Variants in ALPK1 observed in about 807,000 individuals in gnomAD.
The protein encoded by ALPK1 is alpha-protein kinase 1.
Under a neutral mutation model 120.6 loss-of-function variants are expected in ALPK1, and 110 were observed. That is an observed-to-expected ratio of 0.91 (90% confidence interval 0.78 to 1.07). The LOEUF (loss-of-function observed/expected upper bound fraction) is 1.07, where lower values mean the gene tolerates loss of function less well. Ranked by LOEUF, ALPK1 falls within the 50% of genes least tolerant of loss-of-function variation. ALPK1 has a pLI of 0.00. For missense variants in ALPK1, 1,498 were observed against 1,483.9 expected (o/e 1.01, Z -0.16); for synonymous variants, 582 against 560.3 (o/e 1.04, Z -0.55).
At position 112,431,479 on chromosome 4, in the gene ALPK1, G is replaced by A; in HGVS notation, c.1932G>A (p.Gln644=). The A allele has an allele frequency of 1.2e-6, 2 of 1,614,198 alleles. No homozygotes were observed. The highest frequency in any genetic ancestry group is 1.7e-6 in the Non-Finnish European group (2 of 1,180,030). ...EGRAMHSLHS[Q]LHDLSLQEPN... is the part of the protein sequence containing the mutation. ...GAGCTATGCATTCATTGCATTCACAGCTTCATGATCTCTCTCTTCAGGAAC... is the reference window on the plus strand; with the variant it reads ...GAGCTATGCATTCATTGCATTCACAACTTCATGATCTCTCTCTTCAGGAAC... Residue 644 remains glutamine (Q), a synonymous_variant, in exon 11 of 16, where the codon CAG becomes CAA. Transcript: ENST00000650871.
chr4:112,307,251 T>C (rs1219667803), intron 1 of ALPK1, among the ~76,000 whole-genome samples: 11 of 152,112 alleles, frequency 7.2e-5, no homozygotes, highest in Non-Finnish European at 1.3e-4. Context: ...GAGAGTTGTG[T>C]AGATGTCTAT....
intron 2 of ALPK1, among the ~76,000 whole-genome samples, chr4:112,372,211 C>CTT (rs1257056021): frequency 1.4e-5 from 2 of 142,276 alleles, no homozygotes; most frequent in Non-Finnish European, 3.1e-5. Context: ...TACTTTCTTC[C>CTT]TTTTTTTTTT....
chr4:112,425,521 A>T (rs1473770964), intron 6 of ALPK1, 144 bp from the exon 7 acceptor site: 1 of 632,040 alleles, frequency 1.6e-6, no homozygotes, highest in Non-Finnish European at 2.8e-6. Context: ...TACAGCAAGA[A>T]GTTTGGACCT....
chr4:112,414,160 T>C (rs1179890815), intron 5 of ALPK1: 1 of 426,388 alleles, frequency 2.3e-6, no homozygotes, highest in East Asian at 7.3e-5. Context: ...GTGAAAGAGA[T>C]TATATAATAT....
At chr4:112,405,870 C>T (rs886421623) in intron 4 of ALPK1, among the ~76,000 whole-genome samples, 2 of 152,162 alleles carry the variant, frequency 1.3e-5, no homozygotes, top group Admixed American at 6.5e-5. Context: ...CCACAACACT[C>T]TGCCAAGACC....
chr4:112,369,310 T>G (rs1233095687), intron 2 of ALPK1, among the ~76,000 whole-genome samples: 1 of 152,186 alleles, frequency 6.6e-6, no homozygotes, highest in African/African-American at 2.4e-5. Context: ...TGCCTCTTTC[T>G]CCATTTGTTT....
chr4:112,400,789 ACT>A (rs2148741187), intron 4 of ALPK1, among the ~76,000 whole-genome samples: 1 of 152,264 alleles, frequency 6.6e-6, no homozygotes, highest in East Asian at 1.9e-4. Context: ...TTCACTCCAG[ACT>A]CATCCTGTTG....
chr4:112,441,091 C>T lies in ALPK1; in HGVS notation c.3713C>T (p.Ser1238Leu). The part of the protein sequence containing the change: ...ICHRLSLTRP[S>L]MEKPCT ...CATCGTCTTTCTTTGACTAGACCTT[C>T]AATGGAGAAACCATGTAAGTCATAG... Residue 1238 changes from serine (S) to leucine (L), a missense_variant, in exon 15 of 16, where the codon TCA becomes TTA. Transcript: ENST00000650871. 1 of 1,613,920 alleles carries T rather than the reference C, an allele frequency of 6.2e-7. No individual in the cohort carries two copies. The highest frequency in any genetic ancestry group is 8.5e-7 in the Non-Finnish European group (1 of 1,179,860).
rs935208458 is a variant in ALPK1 at position 112,438,757 on chromosome 4, T to A, written c.3351+111T>A. ...GGCTAGCATTTTTAGCAAACTATCC[T>A]TGTGTGTTGTCCCTGTACTTTCCAA... On this transcript the variant is annotated intron_variant, in intron 13 of 15. Transcript: ENST00000650871. The A allele has an allele frequency of 9.8e-6, 12 of 1,219,828 alleles. No individual in the cohort carries two copies. The Admixed American group carries it at 2.0e-4, about 20-fold the overall frequency. 75.6% of individuals were successfully genotyped at this position (1,219,828 alleles called of 1,614,324 possible). A position where few individuals can be genotyped will look rare whatever the true frequency, so the allele number is the denominator to read the frequency against.
Position 112,377,710 on chromosome 4 carries a change from G to A in ALPK1, c.-68G>A, listed in dbSNP as rs1578515819. On this transcript the variant is annotated 5_prime_UTR_variant, in exon 3 of 16. Transcript: ENST00000650871. ...GGCCTTCAAGGGGCTCCTTTATTGA[G>A]AATCAATGTCTTCTCCTAGGTAATT... The A allele has an allele frequency of 1.4e-6, 2 of 1,423,830 alleles. No individual in the cohort carries two copies. Among genetic ancestry groups the A allele is most frequent in the South Asian group, 1.7e-5 (1 of 58,912 alleles). 88.2% of individuals were successfully genotyped at this position (1,423,830 alleles called of 1,614,324 possible). A position where few individuals can be genotyped will look rare whatever the true frequency, so the allele number is the denominator to read the frequency against.
intron 3 of ALPK1, among the ~76,000 whole-genome samples, chr4:112,381,906 C>T (rs1173406605): frequency 1.3e-5 from 2 of 152,100 alleles, no homozygotes; most frequent in African/African-American, 4.8e-5. Context: ...ATGTGTTTTT[C>T]GTAGTTATTT....
chr4:112,322,898 AT>A (rs1224843234), intron 2 of ALPK1, among the ~76,000 whole-genome samples: 4 of 152,254 alleles, frequency 2.6e-5, no homozygotes, highest in Admixed American at 6.5e-5. Flanking sequence ...AGTAGCTGCT[AT>A]ACAGCAATAA....
At position 112,431,283 on chromosome 4, in the gene ALPK1, C is replaced by T; in HGVS notation, c.1736C>T (p.Thr579Ile). The T allele has an allele frequency of 6.2e-7, 1 of 1,614,226 alleles. No individual in the cohort carries two copies. The highest frequency in any genetic ancestry group is 8.5e-7 in the Non-Finnish European group (1 of 1,180,046). ...AACAAGTCTCTGAGTGGCAGCCAGA[C>T]TTCCAGTGCTTGGAGCAACTTATCA... ...VFNKSLSGSQ[T>I]SSAWSNLSGF... Residue 579 changes from threonine to isoleucine, a missense_variant, in exon 11 of 16, where the codon ACT (threonine) becomes ATT (isoleucine). By Grantham distance (89) the Thr-to-Ile change is moderately conservative. Transcript: ENST00000650871.
chr4:112,434,991 C>A (rs1279384360), intron 11 of ALPK1, among the ~76,000 whole-genome samples, 157 bp from the exon 12 acceptor site: 2 of 152,036 alleles, frequency 1.3e-5, no homozygotes, highest in Non-Finnish European at 2.9e-5. Context: ...CTTTTTAATA[C>A]TGTAGTTGTC....
At chr4:112,314,679 G>A (rs1728556112) in intron 1 of ALPK1, among the ~76,000 whole-genome samples, 1 of 152,110 alleles carries the variant, frequency 6.6e-6, no homozygotes, top group African/African-American at 2.4e-5. Context: ...GAAGGGCAGT[G>A]GGATAATAGA....
intron 1 of ALPK1, among the ~76,000 whole-genome samples, chr4:112,306,455 A>ACTT (rs752678694): frequency 1.3e-5 from 2 of 152,084 alleles, no homozygotes; most frequent in Non-Finnish European, 2.9e-5. Flanking sequence ...CAGGGATTCA[A>ACTT]CTTCTTCCTG....
At chr4:112,346,272 G>A (rs1434413797) in intron 2 of ALPK1, among the ~76,000 whole-genome samples, 3 of 152,130 alleles carry the variant, frequency 2.0e-5, no homozygotes, top group Non-Finnish European at 4.4e-5. Context: ...CAGAAATCAT[G>A]GGACTTTGAG....
At chr4:112,357,048 G>A in intron 2 of ALPK1, 1 of 879,158 alleles carries the variant, frequency 1.1e-6, no homozygotes, top group Non-Finnish European at 1.9e-6. Flanking sequence ...ACCAGCTCAG[G>A]GCTGAACATG....
intron 4 of ALPK1, among the ~76,000 whole-genome samples, chr4:112,388,367 G>T (rs1284159003): frequency 6.6e-6 from 1 of 152,092 alleles, no homozygotes; most frequent in Non-Finnish European, 1.5e-5. Flanking sequence ...AGAAAGCAAA[G>T]TATGAATTTA....
Sources: gnomAD v4.1 joint callset for allele counts (sites outside exome capture counted in the v4.1 genomes callset) on GRCh38, gnomAD v4.1.1 for gene constraint, MANE v1.5 for transcripts, NCBI Gene and HGNC (gene_info 2026-07-23, HGNC 2026-07-21) for gene names.